Variants in CPNE4 observed in about 807,000 individuals in gnomAD.
CPNE4 encodes the protein copine 4.
In CPNE4, 25 loss-of-function variants were observed where a neutral mutation model predicts 67.9. The ratio of observed to expected loss-of-function variants is 0.37; its 90% CI spans 0.27 to 0.51. The LOEUF is 0.51. CPNE4 is among the 20% of genes least tolerant of loss of function. CPNE4 has a pLI of 0.93. For synonymous variants in CPNE4, 242 were observed against 244.9 expected (o/e 0.99, Z 0.11); for missense variants, 464 against 690.8 (o/e 0.67, Z 3.68).
intron 3 of CPNE4, among the ~76,000 whole-genome samples, chr3:131,721,507 T>C (rs1343926766): frequency 2.6e-5 from 4 of 151,192 alleles, no homozygotes; most frequent in Non-Finnish European, 5.9e-5. Flanking sequence ...GCCATCCTCC[T>C]GCCTCAGCCT....
At chr3:132,014,020 G>A (rs958421124) in intron 1 of CPNE4, among the ~76,000 whole-genome samples, 3 of 152,180 alleles carry the variant, frequency 2.0e-5, no homozygotes, top group African/African-American at 7.2e-5. Context: ...CTGAGTTGAA[G>A]CTCAGCCAAA....
intron 1 of CPNE4, among the ~76,000 whole-genome samples, chr3:132,027,153 A>T (rs549931179): frequency 3.3e-4 from 50 of 152,326 alleles, no homozygotes; most frequent in African/African-American, 1.1e-3. Context: ...GTTGTGAGCA[A>T]GACAGAGAGA....
intron 1 of CPNE4, among the ~76,000 whole-genome samples, chr3:131,979,366 C>T (rs935112639): frequency 1.3e-5 from 2 of 152,124 alleles, no homozygotes; most frequent in African/African-American, 4.8e-5. Context: ...GTGGGTGCTC[C>T]AGTGTTAGGT....
chr3:131,992,478 C>A (rs573733497), intron 1 of CPNE4, among the ~76,000 whole-genome samples: 1 of 136,618 alleles, frequency 7.3e-6, no homozygotes, highest in Non-Finnish European at 1.7e-5. Flanking sequence ...TGTTTGTATC[C>A]CCATTGTATC....
chr3:131,693,515 A>G (rs1030625201), intron 5 of CPNE4, among the ~76,000 whole-genome samples: 1 of 152,194 alleles, frequency 6.6e-6, no homozygotes, highest in African/African-American at 2.4e-5. Context: ...AGCTTAATAG[A>G]ATGCAGCAGA....
rs74414665 is a variant in CPNE4 at position 131,789,931 on chromosome 3, G to T, written c.181-66306C>A. Among the ~76,000 whole-genome samples the T allele has an allele frequency of 6.7e-3, 1,016 of 152,246 alleles. 12 individuals carry two copies. Among genetic ancestry groups the T allele is most frequent in the African/African-American group, 0.023 (956 of 41,550 alleles). Reference sequence around the variant, plus strand: ...GGATTATATGGTGCTGAAGTTTAAAGCATGTAAGTAGGCACTCAATCTATG... The same window carrying T: ...GGATTATATGGTGCTGAAGTTTAAATCATGTAAGTAGGCACTCAATCTATG... On this transcript the variant is annotated intron_variant, in intron 2 of 15. Transcript: ENST00000429747.
At chr3:131,728,555 A>G (rs2082051801) in intron 2 of CPNE4, among the ~76,000 whole-genome samples, 1 of 152,100 alleles carries the variant, frequency 6.6e-6, no homozygotes, top group Non-Finnish European at 1.5e-5. Flanking sequence ...GTCTCTGGAG[A>G]TCTGATTTAT....
chr3:131,933,257 G>A, intron 1 of CPNE4, among the ~76,000 whole-genome samples: 1 of 152,042 alleles, frequency 6.6e-6, no homozygotes, highest in East Asian at 1.9e-4. Context: ...TAGAGAGGAG[G>A]TCATTACAGC....
At chr3:131,780,927 A>G (rs2107853958) in intron 2 of CPNE4, among the ~76,000 whole-genome samples, 1 of 152,164 alleles carries the variant, frequency 6.6e-6, no homozygotes, top group East Asian at 1.9e-4. Context: ...TGGAAACAGC[A>G]CCTAGAGCAC....
At chr3:131,713,171 C>G (rs2081600578) in intron 3 of CPNE4, among the ~76,000 whole-genome samples, 1 of 151,948 alleles carries the variant, frequency 6.6e-6, no homozygotes, top group Non-Finnish European at 1.5e-5. Context: ...AAATTGTCAT[C>G]CAGCTCCAAA....
At chr3:131,894,779 C>A (rs751683721) in intron 2 of CPNE4, among the ~76,000 whole-genome samples, 3 of 151,902 alleles carry the variant, frequency 2.0e-5, no homozygotes, top group Non-Finnish European at 4.4e-5. Flanking sequence ...TAAACTAGTA[C>A]AGCCACTATG....
chr3:131,817,609 C>T (rs1166623375), intron 2 of CPNE4, among the ~76,000 whole-genome samples: 1 of 151,986 alleles, frequency 6.6e-6, no homozygotes, highest in Non-Finnish European at 1.5e-5. Context: ...GTGGTAGGTA[C>T]GTATTAGCCT....
chr3:131,734,906 A>G (rs942342710), intron 2 of CPNE4, among the ~76,000 whole-genome samples: 3 of 151,978 alleles, frequency 2.0e-5, no homozygotes, highest in Non-Finnish European at 4.4e-5. Context: ...CTGCCCCCCA[A>G]AAAAAGACAC....
chr3:131,684,706 G>A (rs2080844703), intron 6 of CPNE4, among the ~76,000 whole-genome samples: 1 of 152,184 alleles, frequency 6.6e-6, no homozygotes, highest in Non-Finnish European at 1.5e-5. Context: ...CAAATGGTAT[G>A]CAAGCATAAC....
intron 12 of CPNE4, among the ~76,000 whole-genome samples, chr3:131,554,494 T>C (rs926494241): frequency 2.0e-5 from 3 of 152,096 alleles, no homozygotes; most frequent in Non-Finnish European, 4.4e-5. Context: ...TCTAGAATTA[T>C]GTAGCTATGC....
At chr3:131,790,791 A>T (rs1245824863) in intron 2 of CPNE4, among the ~76,000 whole-genome samples, 1 of 152,200 alleles carries the variant, frequency 6.6e-6, no homozygotes, top group East Asian at 1.9e-4. Flanking sequence ...ACAAATACAA[A>T]AACATACAAA....
chr3:131,705,757 T>A (rs191621226), intron 3 of CPNE4, among the ~76,000 whole-genome samples: 88 of 152,250 alleles, frequency 5.8e-4, no homozygotes, highest in African/African-American at 1.7e-3. Flanking sequence ...TCTAATTACT[T>A]CAAGTGTAAT....
At chr3:131,788,325 C>T in intron 2 of CPNE4, among the ~76,000 whole-genome samples, 1 of 151,808 alleles carries the variant, frequency 6.6e-6, no homozygotes, top group Middle Eastern at 3.4e-3. Context: ...AATAAAAATA[C>T]CCGAATGGAA....
chr3:131,630,527 T>C (rs900137617), intron 7 of CPNE4, among the ~76,000 whole-genome samples: 5 of 152,238 alleles, frequency 3.3e-5, no homozygotes, highest in African/African-American at 1.2e-4. Context: ...CTTTAAGAAT[T>C]TGACTTGCAC....
Sources: allele counts gnomAD v4.1 joint callset (sites outside exome capture counted in the v4.1 genomes callset), GRCh38; gene constraint gnomAD v4.1.1; transcripts MANE v1.5; gene names NCBI Gene and HGNC (gene_info 2026-07-23, HGNC 2026-07-21).